The following ARHGEF28 variants were observed in gnomAD, a reference collection of about 807,000 sequenced individuals.
The protein encoded by ARHGEF28 is 190 kDa guanine nucleotide exchange factor.
In ARHGEF28, 152 loss-of-function variants were observed where a neutral mutation model predicts 206.6. The ratio of observed to expected loss-of-function variants is 0.74; its 90% CI spans 0.64 to 0.84. The LOEUF (loss-of-function observed/expected upper bound fraction) is 0.84, where lower values mean the gene tolerates loss of function less well. Among genes scored for constraint, ARHGEF28 ranks in the 40% least tolerant of loss-of-function variants. The probability of loss-of-function intolerance (pLI) is 0.00; values close to 1 mark genes in which losing one functional copy is unlikely to be tolerated. For synonymous variants in ARHGEF28, 763 were observed against 776.4 expected, an observed-to-expected ratio of 0.98 and a Z score of 0.29; for missense variants, 2,028 against 2,073.2, an observed-to-expected ratio of 0.98 and a Z score of 0.42.
At chr5:73,925,619 G>A (rs1341309126) in intron 35 of ARHGEF28, among the ~76,000 whole-genome samples, 1 of 152,126 alleles carries the variant, frequency 6.6e-6, no homozygotes, top group Non-Finnish European at 1.5e-5. Flanking sequence ...CCCCTTTCCA[G>A]TCAACCCCTC....
chr5:73,745,192 T>C (rs1400007834), intron 2 of ARHGEF28, among the ~76,000 whole-genome samples: 1 of 152,046 alleles, frequency 6.6e-6, no homozygotes, highest in African/African-American at 2.4e-5. Context: ...TGTAATTATA[T>C]ACAGATGCAT....
At chr5:73,908,584 T>A (rs951242203) in intron 33 of ARHGEF28, 1 of 152,344 alleles carries the variant, frequency 6.6e-6, no homozygotes, top group South Asian at 2.1e-4. Flanking sequence ...TTCCAAATCT[T>A]GGTAATTATT....
intron 35 of ARHGEF28, among the ~76,000 whole-genome samples, chr5:73,915,435 A>T (rs751323573): frequency 4.3e-4 from 65 of 152,208 alleles, no homozygotes; most frequent in Non-Finnish European, 7.6e-4. Context: ...AAATTCTTGG[A>T]TGTTCAAACA....
intron 11 of ARHGEF28, 54 bp downstream of exon 11, chr5:73,840,814 T>C: frequency 6.7e-7 from 1 of 1,502,772 alleles, no homozygotes; most frequent in South Asian, 1.3e-5. Flanking sequence ...ACCTTATAGG[T>C]AGACTTCAAA....
intron 35 of ARHGEF28, among the ~76,000 whole-genome samples, chr5:73,934,476 A>G (rs953516693): frequency 2.0e-5 from 3 of 152,284 alleles, no homozygotes; most frequent in South Asian, 2.1e-4. Context: ...ATTGATAATT[A>G]TTGCCTGGGT....
intron 13 of ARHGEF28, among the ~76,000 whole-genome samples, chr5:73,850,830 G>A (rs989580916): frequency 1.3e-5 from 2 of 152,126 alleles, no homozygotes; most frequent in Non-Finnish European, 2.9e-5. Flanking sequence ...TTCAGTAAAC[G>A]AAACCTTATC....
chr5:73,776,238 A>G (rs910844739), intron 5 of ARHGEF28, among the ~76,000 whole-genome samples: 1 of 152,218 alleles, frequency 6.6e-6, no homozygotes, highest in Non-Finnish European at 1.5e-5. Flanking sequence ...GTAAAGTACT[A>G]TGTTTAAAAT....
chr5:73,685,034 T>C, intron 2 of ARHGEF28, 150 bp downstream of exon 2: 1 of 698,282 alleles, frequency 1.4e-6, no homozygotes, highest in South Asian at 3.0e-5. Flanking sequence ...TTCAAGTATT[T>C]GCATGGAGCG....
chr5:73,856,919 G>A (rs1759078153), intron 14 of ARHGEF28, among the ~76,000 whole-genome samples: 1 of 152,144 alleles, frequency 6.6e-6, no homozygotes, highest in Non-Finnish European at 1.5e-5. Context: ...ATCAGAGGAA[G>A]CTCTAGGGGG....
chr5:73,663,371 C>G (rs536345291), intron 1 of ARHGEF28, among the ~76,000 whole-genome samples: 1 of 152,326 alleles, frequency 6.6e-6, no homozygotes, highest in East Asian at 1.9e-4. Flanking sequence ...TGGATCTGCT[C>G]TCTCCAGGAC....
chr5:73,840,498 A>G lies in ARHGEF28; in HGVS notation c.1165A>G (p.Ser389Gly), dbSNP rs1471993639. The change falls in exon 11 of 36, where the codon AGC becomes GGC. Residue 389 changes from serine to glycine, a missense_variant. Coordinates refer to ENST00000513042, the MANE Select transcript of ARHGEF28 (RefSeq NM_001177693.2). ...CTTCCAGGTTGGTGATTTGGATATC[A>G]GCTATATTAATATAGAGGGAATCAC... ...VIDQVGDLDISYINIEGITAT... is the reference protein window; with the variant it reads ...VIDQVGDLDIGYINIEGITAT... The G allele has an allele frequency of 6.2e-7, 1 of 1,613,322 alleles. No individual in the cohort carries two copies. Among genetic ancestry groups the G allele is most frequent in the Non-Finnish European group, 8.5e-7 (1 of 1,179,612 alleles).
chr5:73,898,002 C>T lies in ARHGEF28; in HGVS notation c.3882C>T (p.Gly1294=), dbSNP rs776017962. 51 of 1,598,618 alleles carry T rather than the reference C, an allele frequency of 3.2e-5. No homozygotes were observed. The East Asian group carries it at 3.8e-4, about 12-fold the overall frequency. Residue 1294 remains glycine (G), a synonymous_variant, in exon 30 of 36, where the codon GGC becomes GGT. Transcript: ENST00000513042. ...LQVAVKASQM[G]AVSQSCEDSC... ...TTGCAGTGAAGGCCTCACAGATGGG[C>T]GCCGTGAGTCAATCATGTGAGGACA...
At chr5:73,739,828 A>T (rs1224374671) in intron 2 of ARHGEF28, among the ~76,000 whole-genome samples, 2 of 140,246 alleles carry the variant, frequency 1.4e-5, no homozygotes, top group Admixed American at 1.4e-4. Context: ...AATAATAATA[A>T]AAATAAATAA....
At chr5:73,755,697 G>A (rs1221325579) in intron 4 of ARHGEF28, among the ~76,000 whole-genome samples, 6 of 152,142 alleles carry the variant, frequency 3.9e-5, no homozygotes, top group African/African-American at 1.4e-4. Flanking sequence ...TGCTGGGCAT[G>A]CCTGCTCAAA....
rs995511583 is a variant in ARHGEF28, at chr5:73,753,352, G to A, written c.475+150G>A. On this transcript the variant is annotated intron_variant, in intron 4 of 35. Coordinates refer to ENST00000513042, the MANE Select transcript of ARHGEF28 (RefSeq NM_001177693.2). ...ATGTGGAGGGGCTCCCTGAGGTCCT[G>A]AGCCACTCATCTCTGGGCTGGTTTA... 3.5e-5 allele frequency: 28 copies of A among 796,754 alleles called. No individual in the cohort carries two copies. In the African/African-American group the frequency reaches 4.6e-4, roughly 13 times the overall value. 49.4% of individuals were successfully genotyped at this position (796,754 alleles called of 1,614,324 possible).
At chr5:73,914,660 G>A (rs1269303362) in intron 35 of ARHGEF28, among the ~76,000 whole-genome samples, 1 of 152,072 alleles carries the variant, frequency 6.6e-6, no homozygotes, top group Non-Finnish European at 1.5e-5. Flanking sequence ...GCCTCCCAAA[G>A]TGTTGGGATT....
intron 28 of ARHGEF28, 128 bp downstream of exon 28, chr5:73,893,416 C>T (rs2112688815): frequency 1.8e-6 from 1 of 545,742 alleles, no homozygotes; most frequent in East Asian, 3.3e-5. Context: ...ACCTGGACCA[C>T]CCTCCCGAGA....
chr5:73,680,709 G>T (rs1340925745), intron 1 of ARHGEF28, among the ~76,000 whole-genome samples: 1 of 152,060 alleles, frequency 6.6e-6, no homozygotes, highest in African/African-American at 2.4e-5. Flanking sequence ...TATTTTATCA[G>T]ATAAAATCTA....
At chr5:73,757,088 T>C (rs144407456) in intron 4 of ARHGEF28, among the ~76,000 whole-genome samples, 18 of 152,358 alleles carry the variant, frequency 1.2e-4, no homozygotes, top group African/African-American at 4.3e-4. Flanking sequence ...TATTTTTAAT[T>C]TAATAGAGTT....
Sources: gnomAD v4.1 joint callset for allele counts (sites outside exome capture counted in the v4.1 genomes callset) on GRCh38, gnomAD v4.1.1 for gene constraint, MANE v1.5 for transcripts, NCBI Gene and HGNC (gene_info 2026-07-23, HGNC 2026-07-21) for gene names.